Variants in SUSD1 observed in about 807,000 individuals in gnomAD.
The protein encoded by SUSD1 is sushi domain containing 1.
In SUSD1, 65 loss-of-function variants were observed where a neutral mutation model predicts 86.9. The ratio of observed to expected loss-of-function variants is 0.75; its 90% CI spans 0.61 to 0.92. The LOEUF is 0.92. Among genes scored for constraint, SUSD1 ranks in the 40% least tolerant of loss-of-function variants. The pLI is 0.00. For synonymous variants in SUSD1, 346 were observed against 350.0 expected, an observed-to-expected ratio of 0.99 and a Z score of 0.13; for missense variants, 850 against 929.7, an observed-to-expected ratio of 0.91 and a Z score of 1.11.
At chr9:112,158,550 C>A (rs1362239041) in intron 1 of SUSD1, among the ~76,000 whole-genome samples, 2 of 152,094 alleles carry the variant, frequency 1.3e-5, no homozygotes, top group Non-Finnish European at 2.9e-5. Flanking sequence ...CACCACCACA[C>A]CCATCTAATT....
chr9:112,051,181 T>C (rs1828175124), intron 15 of SUSD1, among the ~76,000 whole-genome samples: 1 of 152,170 alleles, frequency 6.6e-6, no homozygotes, highest in Non-Finnish European at 1.5e-5. Context: ...TCATATTATG[T>C]ATTATGGTTT....
At chr9:112,050,222 G>A (rs903549456) in intron 15 of SUSD1, among the ~76,000 whole-genome samples, 1 of 152,134 alleles carries the variant, frequency 6.6e-6, no homozygotes, top group African/African-American at 2.4e-5. Context: ...TACAAGTAAA[G>A]GGACTTGGCC....
At chr9:112,093,875 A>G (rs1026224730) in intron 10 of SUSD1, among the ~76,000 whole-genome samples, 5 of 152,222 alleles carry the variant, frequency 3.3e-5, no homozygotes, top group African/African-American at 1.2e-4. Context: ...CAAATCAGAC[A>G]AAGCTCTAAG....
At chr9:112,096,010 A>T (rs139630966) in intron 10 of SUSD1, among the ~76,000 whole-genome samples, 2 of 152,222 alleles carry the variant, frequency 1.3e-5, no homozygotes, top group Non-Finnish European at 2.9e-5. Flanking sequence ...CAAGGAGAGT[A>T]CAGTGTCAAA....
chr9:112,080,104 G>C lies in SUSD1; in HGVS notation c.1536C>G (p.Ile512Met), dbSNP rs762068940. The change falls in exon 11 of 17, where the codon ATC (isoleucine) becomes ATG (methionine). Residue 512 changes from isoleucine to methionine, a missense_variant. Physicochemically the swap from Ile to Met is conservative, Grantham distance 10. Transcript: ENST00000374270. The part of the protein sequence containing the change: ...FNETCLRWRS[I>M]KTADMEEMYL... ...ACATCTCCTCCATATCAGCTGTCTT[G>C]ATGCTTCTCCATCTCAAGCAGGTTT... The C allele has an allele frequency of 3.2e-5, 51 of 1,613,176 alleles. No individual in the cohort carries two copies. The highest frequency in any genetic ancestry group is 4.2e-5 in the Non-Finnish European group (49 of 1,179,424).
At chr9:112,124,526 G>A in intron 5 of SUSD1, 90 bp from the exon 6 acceptor site, 2 of 1,256,880 alleles carry the variant, frequency 1.6e-6, no homozygotes, top group Non-Finnish European at 1.1e-6. Context: ...AATAGTGATA[G>A]AGGCCACTCA....
At position 112,112,773 on chromosome 9, in the gene SUSD1, C is replaced by T. The variant is rs750819021; in HGVS notation, c.982G>A (p.Val328Met). The change falls in exon 7 of 17, where the codon GTG (valine) becomes ATG (methionine). Residue 328 changes from valine to methionine, a missense_variant and splice_region_variant. Physicochemically the swap from Val to Met is conservative, Grantham distance 21 (BLOSUM62 1). Coordinates refer to ENST00000374270, the MANE Select transcript of SUSD1 (RefSeq NM_022486.5). ...SRRINPKISYVISIKGQRLDP... is the reference protein window; with the variant it reads ...SRRINPKISYMISIKGQRLDP... The stretch of plus-strand genomic sequence containing the variant: ...AAAAAGTAGATCACTTTACTTACCA[C>T]ATATGAGATCTTGGGGTTTATTCTT... The T allele has an allele frequency of 3.7e-6, 6 of 1,607,240 alleles. No individual in the cohort carries two copies. Among genetic ancestry groups the T allele is most frequent in the Middle Eastern group, 1.6e-4 (1 of 6,074 alleles).
chr9:112,064,590 G>C (rs1452640431), intron 12 of SUSD1, among the ~76,000 whole-genome samples: 1 of 152,124 alleles, frequency 6.6e-6, no homozygotes, highest in South Asian at 2.1e-4. Flanking sequence ...CATTTTGGCC[G>C]GGTGCGGGGG....
chr9:112,045,869 C>T (rs538692106), intron 15 of SUSD1, among the ~76,000 whole-genome samples: 1 of 152,190 alleles, frequency 6.6e-6, no homozygotes, highest in Non-Finnish European at 1.5e-5. Flanking sequence ...AAGACTTGAA[C>T]CTATGTAGGG....
chr9:112,053,172 A>C (rs1460803370), intron 14 of SUSD1, among the ~76,000 whole-genome samples: 1 of 152,014 alleles, frequency 6.6e-6, no homozygotes, highest in African/African-American at 2.4e-5. Context: ...AGCCTTGGGC[A>C]TTCTGGTTTG....
chr9:112,057,586 A>G (rs1450965064), intron 14 of SUSD1, among the ~76,000 whole-genome samples: 1 of 152,226 alleles, frequency 6.6e-6, no homozygotes, highest in Non-Finnish European at 1.5e-5. Flanking sequence ...GACATCTTTG[A>G]TACTTGAACA....
chr9:112,061,346 G>A (rs1415493020), intron 13 of SUSD1, among the ~76,000 whole-genome samples: 2 of 152,188 alleles, frequency 1.3e-5, no homozygotes, highest in Admixed American at 6.5e-5. Flanking sequence ...CTGCCTGCTG[G>A]TAATTAGCCA....
At chr9:112,101,134 G>A (rs1830617251) in intron 9 of SUSD1, among the ~76,000 whole-genome samples, 1 of 151,984 alleles carries the variant, frequency 6.6e-6, no homozygotes, top group Non-Finnish European at 1.5e-5. Flanking sequence ...AGCTGAGGCG[G>A]GTGGATCACT....
chr9:112,168,577 C>T (rs1157176365), intron 1 of SUSD1, among the ~76,000 whole-genome samples: 2 of 152,200 alleles, frequency 1.3e-5, no homozygotes, highest in Non-Finnish European at 2.9e-5. Context: ...GCAACAACTT[C>T]AGTGTACTTC....
rs146772298 is a variant in SUSD1 at position 112,129,312 on chromosome 9, G to A, written c.707-4876C>T. Among the ~76,000 whole-genome samples, 189 of 152,144 alleles carry A rather than the reference G, an allele frequency of 1.2e-3. 1 individual carries two copies. The highest frequency in any genetic ancestry group is 4.3e-3 in the African/African-American group (180 of 41,526). Reference sequence around the variant, plus strand: ...TTATCTGTTCTTTCTGTTGTTTCAGGGGATTTTGTTTTGTTTTGAGACAGG... The same window carrying A: ...TTATCTGTTCTTTCTGTTGTTTCAGAGGATTTTGTTTTGTTTTGAGACAGG... On this transcript the variant is annotated intron_variant, in intron 5 of 16. Coordinates refer to ENST00000374270, the MANE Select transcript of SUSD1 (RefSeq NM_022486.5).
intron 1 of SUSD1, among the ~76,000 whole-genome samples, chr9:112,158,790 G>C (rs1391596514): frequency 6.6e-6 from 1 of 152,054 alleles, no homozygotes; most frequent in Non-Finnish European, 1.5e-5. Flanking sequence ...CATTATATTT[G>C]GTTCTAGCTT....
chr9:112,064,291 G>A (rs559138039), intron 12 of SUSD1, among the ~76,000 whole-genome samples: 1 of 152,304 alleles, frequency 6.6e-6, no homozygotes, highest in Non-Finnish European at 1.5e-5. Context: ...TCCACCTCCT[G>A]TCAGATCAGT....
chr9:112,062,235 G>A (rs1053175226), intron 13 of SUSD1, among the ~76,000 whole-genome samples: 4 of 152,114 alleles, frequency 2.6e-5, no homozygotes, highest in South Asian at 4.2e-4. Flanking sequence ...GAAATGAAAC[G>A]ATGCCCCTGA....
At chr9:112,117,638 C>T (rs28641532) in intron 6 of SUSD1, among the ~76,000 whole-genome samples, 21,354 of 152,046 alleles carry the variant, frequency 0.14, 1,869 homozygotes, top group Non-Finnish European at 0.2. Context: ...ACTTAACACA[C>T]TTGTAACTAA....
Sources: allele counts gnomAD v4.1 joint callset (sites outside exome capture counted in the v4.1 genomes callset), GRCh38; gene constraint gnomAD v4.1.1; transcripts MANE v1.5; gene names NCBI Gene and HGNC (gene_info 2026-07-23, HGNC 2026-07-21).